Variants in GAL3ST4 observed in about 807,000 individuals in gnomAD.
The protein encoded by GAL3ST4 is beta-galactose-3-O-sulfotransferase 4.
Under a neutral mutation model 31.6 loss-of-function variants are expected in GAL3ST4, and 30 were observed. The ratio of observed to expected loss-of-function variants is 0.95; its 90% CI spans 0.71 to 1.29. The LOEUF is 1.29. Among genes scored for constraint, GAL3ST4 ranks in the 50% most tolerant of loss-of-function variants. The pLI, the probability that GAL3ST4 is intolerant of heterozygous loss-of-function variation, is 0.00. For missense variants in GAL3ST4, 629 were observed against 625.2 expected (o/e 1.01, Z -0.06); for synonymous variants, 248 against 256.9 (o/e 0.97, Z 0.33).
At chr7:100,162,943 C>G (rs1799024185) in intron 3 of GAL3ST4, among the ~76,000 whole-genome samples, 1 of 152,006 alleles carries the variant, frequency 6.6e-6, no homozygotes, top group Admixed American at 6.6e-5. Context: ...ATAGGAAACT[C>G]CTGGAGAACA....
chr7:100,160,986 G>C (rs769797926), intron 3 of GAL3ST4, 27 bp from the exon 4 acceptor site: 1 of 1,545,358 alleles, frequency 6.5e-7, no homozygotes, highest in South Asian at 1.3e-5. Flanking sequence ...ACAGAAGAGA[G>C]AGAACTGGGC....
Position 100,160,671 on chromosome 7 carries a change from G to A in GAL3ST4, c.718C>T (p.Leu240=). The A allele has an allele frequency of 6.2e-7, 1 of 1,613,946 alleles. No individual in the cohort carries two copies. The highest frequency in any genetic ancestry group is 8.5e-7 in the Non-Finnish European group (1 of 1,180,032). The change falls in exon 4 of 4, where the codon CTG becomes TTG. Residue 240 remains leucine, a synonymous_variant. Transcript: ENST00000360039. The part of the protein sequence containing the change: ...HPPRDPNPPQ[L]QVLPSGAGPR... ...CCAGCACCAGAAGGCAAGACCTGCA[G>A]CTGTGGGGGGTTGGGGTCTCTGGGG...
Position 100,159,492 on chromosome 7 carries a change from T to G in GAL3ST4, c.*436A>C. 1 of 157,238 alleles carries G rather than the reference T, an allele frequency of 6.4e-6. No homozygotes were observed. The highest frequency in any genetic ancestry group is 1.4e-5 in the Non-Finnish European group (1 of 70,994). 9.7% of individuals were successfully genotyped at this position (157,238 alleles called of 1,614,324 possible). A position where few individuals can be genotyped will look rare whatever the true frequency, so the allele number is the denominator to read the frequency against. ...AATGGCAGCACTTTGGGAGGCAGAG[T>G]CATGTGGATCACCTGAGGTGAGGAG... On this transcript the variant is annotated 3_prime_UTR_variant, in exon 4 of 4. Coordinates refer to ENST00000360039, the MANE Select transcript of GAL3ST4 (RefSeq NM_024637.5).
Position 100,168,399 on chromosome 7 carries a change from A to G in GAL3ST4, c.-189+147T>C, listed in dbSNP as rs537897559. The G allele has an allele frequency of 6.6e-6, 1 of 152,584 alleles. No individual in the cohort carries two copies. Among genetic ancestry groups the G allele is most frequent in the Non-Finnish European group, 1.5e-5 (1 of 68,342 alleles). 9.5% of individuals were successfully genotyped at this position (152,584 alleles called of 1,614,324 possible). On this transcript the variant is annotated intron_variant, in intron 1 of 3. Transcript: ENST00000360039. The surrounding 1 kb of genome is among the most constrained non-coding windows in gnomAD (Gnocchi z 4.1). ...TCCTTCCATCCATCTCTCCCTTCCCATGATTGGAGATCCCAGCCCTCTGTC... is the reference window on the plus strand; with the variant it reads ...TCCTTCCATCCATCTCTCCCTTCCCGTGATTGGAGATCCCAGCCCTCTGTC...
chr7:100,165,179 T>C (rs1045427761), intron 3 of GAL3ST4, among the ~76,000 whole-genome samples: 10 of 151,506 alleles, frequency 6.6e-5, no homozygotes, highest in African/African-American at 2.4e-4. Flanking sequence ...CGGCCTTTTT[T>C]TTCTTTTGTG....
chr7:100,161,273 G>A (rs1322038339), intron 3 of GAL3ST4, among the ~76,000 whole-genome samples: 1 of 152,184 alleles, frequency 6.6e-6, no homozygotes, highest in East Asian at 1.9e-4. Context: ...TACTCAGGAG[G>A]CTGAGGCAGT....
At chr7:100,163,158 G>T (rs1259933272) in intron 3 of GAL3ST4, among the ~76,000 whole-genome samples, 1 of 152,178 alleles carries the variant, frequency 6.6e-6, no homozygotes, top group African/African-American at 2.4e-5. Flanking sequence ...GCACTTCAGG[G>T]TCTCCTGGGC....
intron 3 of GAL3ST4, among the ~76,000 whole-genome samples, chr7:100,165,530 C>A (rs1799057937): frequency 6.6e-6 from 1 of 151,880 alleles, no homozygotes; most frequent in Non-Finnish European, 1.5e-5. Flanking sequence ...AGGTGGGGCC[C>A]TGGTGTGACA....
chr7:100,164,766 A>C (rs1440578152), intron 3 of GAL3ST4, among the ~76,000 whole-genome samples: 1 of 152,162 alleles, frequency 6.6e-6, no homozygotes, highest in Non-Finnish European at 1.5e-5. Context: ...TCCAGATACA[A>C]ACACATGCAC....
chr7:100,161,270 GAGGCTGAGGCAGT>G (rs1799000146), intron 3 of GAL3ST4, among the ~76,000 whole-genome samples: 1 of 152,192 alleles, frequency 6.6e-6, no homozygotes, highest in Non-Finnish European at 1.5e-5. Flanking sequence ...AGCTACTCAG[GAGGCTGAGGCAGT>G]AGGATGGCTT....
In GAL3ST4 at chr7:100,168,561, G is replaced by A. The variant is rs1276634057; in HGVS notation, c.-204C>T. On this transcript the variant is annotated 5_prime_UTR_variant, in exon 1 of 4. Transcript: ENST00000360039. The surrounding 1 kb of genome is among the most constrained non-coding windows in gnomAD (Gnocchi z 4.1). Reference sequence around the variant, plus strand: ...TCCCACTCACCAGGCCACAAGGGGAGCAGCAAGGGAAATCGGGCCGGGCCC... The same window carrying A: ...TCCCACTCACCAGGCCACAAGGGGAACAGCAAGGGAAATCGGGCCGGGCCC... 1.3e-5 allele frequency: 2 copies of A among 152,346 alleles called. No individual in the cohort carries two copies. The highest frequency in any genetic ancestry group is 4.8e-5 in the African/African-American group (2 of 41,446). The allele number at this position is 152,346 out of a possible 1,614,324, so 9.4% of individuals were successfully genotyped here. A position where few individuals can be genotyped will look rare whatever the true frequency, so the allele number is the denominator to read the frequency against.
Position 100,166,604 on chromosome 7 carries a change from C to T in GAL3ST4, c.327G>A (p.Lys109=). ...CTTTTACCCTAGAGGCCTGGAAGAG[C>T]TTTGGGTAGCCAAACTGGTAGCGGG... The part of the protein sequence containing the change: ...LPARYQFGYP[K]LFQASRVKGY... Residue 109 remains lysine, a synonymous_variant, in exon 3 of 4, where the codon AAG becomes AAA. Transcript: ENST00000360039. The T allele has an allele frequency of 6.2e-7, 1 of 1,614,218 alleles. No individual in the cohort carries two copies. The highest frequency in any genetic ancestry group is 1.3e-5 in the African/African-American group (1 of 75,058).
At position 100,160,079 on chromosome 7, in the gene GAL3ST4, T is replaced by C; in HGVS notation, c.1310A>G (p.Tyr437Cys). The change falls in exon 4 of 4, where the codon TAT becomes TGT. Residue 437 changes from tyrosine (Y) to cysteine (C), a missense_variant. By Grantham distance (194) the Tyr-to-Cys change is radical. Coordinates refer to ENST00000360039, the MANE Select transcript of GAL3ST4 (RefSeq NM_024637.5). ...FQFGSAKVLG[Y>C]ILRSGLSPQD... is the part of the protein sequence containing the mutation. ...GGGGCTCAATCCACTCCGAAGTATATAGCCCAAAACCTTAGCTGACCCAAA... is the reference window on the plus strand; with the variant it reads ...GGGGCTCAATCCACTCCGAAGTATACAGCCCAAAACCTTAGCTGACCCAAA... 2.5e-6 allele frequency: 4 copies of C among 1,614,092 alleles called. No individual in the cohort carries two copies. Among genetic ancestry groups the C allele is most frequent in the South Asian group, 1.1e-5 (1 of 91,082 alleles).
chr7:100,165,328 G>A (rs899918322), intron 3 of GAL3ST4, among the ~76,000 whole-genome samples: 13 of 152,006 alleles, frequency 8.6e-5, no homozygotes, highest in Non-Finnish European at 1.2e-4. Flanking sequence ...GTGCCACCAC[G>A]CCTGGCTAAT....
chr7:100,162,904 GA>G (rs897115265), intron 3 of GAL3ST4, among the ~76,000 whole-genome samples: 13 of 151,988 alleles, frequency 8.6e-5, no homozygotes, highest in African/African-American at 3.1e-4. Context: ...GAAAAAAAAA[GA>G]AAGAAGGGAG....
In GAL3ST4 at chr7:100,166,559, T is replaced by C; in HGVS notation, c.372A>G (p.Gly124=). ...GGATGTGGAAGGGGAGCTGGGTGCC[T>C]CCACCCTGTGGGCGGTAGCCTTTTA... ...SRVKGYRPQG[G]GTQLPFHILC... The change falls in exon 3 of 4, where the codon GGA becomes GGG. Residue 124 remains glycine (G), a synonymous_variant. Coordinates refer to ENST00000360039, the MANE Select transcript of GAL3ST4 (RefSeq NM_024637.5). 2 of 1,614,122 alleles carry C rather than the reference T, an allele frequency of 1.2e-6. No individual in the cohort carries two copies. The highest frequency in any genetic ancestry group is 1.7e-6 in the Non-Finnish European group (2 of 1,179,998).
chr7:100,160,966 A>G lies in GAL3ST4; in HGVS notation c.430-7T>C. 1 of 1,573,676 alleles carries G rather than the reference A, an allele frequency of 6.4e-7. No individual in the cohort carries two copies. Among genetic ancestry groups the G allele is most frequent in the Non-Finnish European group, 8.6e-7 (1 of 1,163,008 alleles). On this transcript the variant is annotated splice_polypyrimidine_tract_variant and splice_region_variant and intron_variant, in intron 3 of 3. Transcript: ENST00000360039. ...AAGGCATGACCTGAAGTACCTGCAG[A>G]GGAGGGAAGACAGAAGAGAGAGAAC...
chr7:100,159,714 CG>C lies in GAL3ST4; in HGVS notation c.*213del, dbSNP rs1798963719. The C allele has an allele frequency of 5.7e-6, 3 of 528,594 alleles. No individual in the cohort carries two copies. Among genetic ancestry groups the C allele is most frequent in the Non-Finnish European group, 1.0e-5 (3 of 301,030 alleles). 32.7% of individuals were successfully genotyped at this position (528,594 alleles called of 1,614,324 possible). A position where few individuals can be genotyped will look rare whatever the true frequency, so the allele number is the denominator to read the frequency against. ...CAGCCTGGGGGACAGAGCAAGACTC[CG>C]TTTCAAAAAAAAAAAAAGTTGGGGG... is the stretch of plus-strand genomic sequence containing the variant. On this transcript the variant is annotated 3_prime_UTR_variant, in exon 4 of 4. Transcript: ENST00000360039.
rs1415973188 is a variant in GAL3ST4, at chr7:100,166,680, C to T, written c.251G>A (p.Ser84Asn). 4.3e-6 allele frequency: 7 copies of T among 1,614,092 alleles called. No homozygotes were observed. Among genetic ancestry groups the T allele is most frequent in the Non-Finnish European group, 5.9e-6 (7 of 1,180,038 alleles). ...CTGGTCCCCATAGCGGTGAAGCAGG[C>T]TCAGCACAGAGCTGCTCCCGGATTT... ...THKSGSSSVL[S>N]LLHRYGDQHG... is the part of the protein sequence containing the mutation. Residue 84 changes from serine to asparagine, a missense_variant, in exon 3 of 4, where the codon AGC becomes AAC. Physicochemically the swap from Ser to Asn is conservative, Grantham distance 46 (BLOSUM62 1). Coordinates refer to ENST00000360039, the MANE Select transcript of GAL3ST4 (RefSeq NM_024637.5).
Sources: allele counts gnomAD v4.1 joint callset (sites outside exome capture counted in the v4.1 genomes callset), GRCh38; gene constraint gnomAD v4.1.1; non-coding constraint Gnocchi (gnomAD v3.1); transcripts MANE v1.5; gene names NCBI Gene and HGNC (gene_info 2026-07-23, HGNC 2026-07-21).